The following KANK1 variants were observed in gnomAD, a reference collection of about 807,000 sequenced individuals.
The protein encoded by KANK1 is KN motif and ankyrin repeat domains 1.
Under a neutral mutation model 106.2 loss-of-function variants are expected in KANK1, and 109 were observed. The ratio of observed to expected loss-of-function variants is 1.03; its 90% CI spans 0.88 to 1.20. KANK1 has a LOEUF of 1.20. Ranked by LOEUF, KANK1 falls within the 50% of genes most tolerant of loss-of-function variation. The pLI, the probability that KANK1 is intolerant of heterozygous loss-of-function variation, is 0.00. For missense variants in KANK1, 2,399 were observed against 1,710.7 expected (o/e 1.40, Z -7.10); for synonymous variants, 873 against 652.2 (o/e 1.34, Z -5.16).
At chr9:602,253 ATTTAT>A (rs771542263) in intron 1 of KANK1, among the ~76,000 whole-genome samples, 188 of 151,444 alleles carry the variant, frequency 1.2e-3, no homozygotes, top group Non-Finnish European at 2.1e-3. Context: ...TTCCATTTTT[ATTTAT>A]TTTATTTTAT....
chr9:571,678 A>T (rs1819211931), intron 1 of KANK1, among the ~76,000 whole-genome samples: 1 of 152,192 alleles, frequency 6.6e-6, no homozygotes, highest in Admixed American at 6.5e-5. Flanking sequence ...GAGACTTAAC[A>T]GTTTGGCTTT....
At chr9:688,628 G>C (rs924723277) in intron 2 of KANK1, among the ~76,000 whole-genome samples, 10 of 151,656 alleles carry the variant, frequency 6.6e-5, no homozygotes, top group Non-Finnish European at 1.2e-4. Flanking sequence ...GAGAAAGAAA[G>C]ATGGTATTGT....
chr9:557,580 A>G (rs183784663), intron 1 of KANK1, among the ~76,000 whole-genome samples: 1 of 152,360 alleles, frequency 6.6e-6, no homozygotes, highest in Non-Finnish European at 1.5e-5. Context: ...AAAATAGCCA[A>G]ACTGTTAGTC....
At chr9:516,017 A>C (rs1008547675) in intron 1 of KANK1, among the ~76,000 whole-genome samples, 1 of 151,772 alleles carries the variant, frequency 6.6e-6, no homozygotes, top group African/African-American at 2.4e-5. Context: ...TAGGAATCCA[A>C]CATGCAGCTG....
At chr9:641,090 G>A (rs1838330419) in intron 1 of KANK1, among the ~76,000 whole-genome samples, 1 of 152,170 alleles carries the variant, frequency 6.6e-6, no homozygotes, top group Admixed American at 6.5e-5. Context: ...GAGCCATGTT[G>A]ATAGCCCAAA....
At chr9:569,528 G>T (rs960034860) in intron 1 of KANK1, among the ~76,000 whole-genome samples, 1 of 152,132 alleles carries the variant, frequency 6.6e-6, no homozygotes, top group Non-Finnish European at 1.5e-5. Context: ...CCACCAGCAA[G>T]AAGGCCCTCA....
chr9:708,559 T>C (rs1049839670), intron 2 of KANK1, among the ~76,000 whole-genome samples: 4 of 152,208 alleles, frequency 2.6e-5, no homozygotes, highest in African/African-American at 9.6e-5. Flanking sequence ...GTCCTTTTTA[T>C]TCCTCTGCTT....
chr9:478,893 A>C (rs1218082851), intron 3 of KANK1, among the ~76,000 whole-genome samples: 1 of 151,598 alleles, frequency 6.6e-6, no homozygotes, highest in Non-Finnish European at 1.5e-5. Context: ...CAAATCATCC[A>C]TAACTCTACC....
intron 1 of KANK1, among the ~76,000 whole-genome samples, chr9:563,049 AG>A (rs1816899619): frequency 6.6e-6 from 1 of 152,186 alleles, no homozygotes. Flanking sequence ...TGCATTTTTC[AG>A]GTGATTTCTA....
intron 2 of KANK1, among the ~76,000 whole-genome samples, chr9:706,595 G>A (rs1215867483): frequency 6.8e-6 from 1 of 147,154 alleles, no homozygotes; most frequent in Admixed American, 6.9e-5. Flanking sequence ...TGTTTTACAA[G>A]CATGTACTAC....
chr9:565,387 A>G (rs1250759466), intron 1 of KANK1, among the ~76,000 whole-genome samples: 1 of 152,228 alleles, frequency 6.6e-6, no homozygotes, highest in Non-Finnish European at 1.5e-5. Context: ...TCTTCTGCAG[A>G]GCATAACTTG....
rs755245564 is a variant in KANK1, at chr9:742,279, G to C, written c.3771G>C (p.Gly1257=). The C allele has an allele frequency of 1.6e-5, 26 of 1,614,004 alleles. No homozygotes were observed. In the Admixed American group the frequency reaches 4.3e-4, roughly 27 times the overall value. The change falls in exon 10 of 12, where the codon GGG becomes GGC. Residue 1257 remains glycine, a synonymous_variant. Transcript: ENST00000382297. ...TGGTGAAGGGCCTTCTGGCCTGTGG[G>C]GCTGATGTCAACATCCAGGATGACG... ...IDMVKGLLAC[G]ADVNIQDDEG...
Position 703,590 on chromosome 9 carries a change from C to G in KANK1, c.38-7214C>G, listed in dbSNP as rs181684210. Among the ~76,000 whole-genome samples, 516 of 152,224 alleles carry G rather than the reference C, an allele frequency of 3.4e-3. 2 individuals are homozygous for G. The highest frequency in any genetic ancestry group is 0.011 in the African/African-American group (449 of 41,542). On this transcript the variant is annotated intron_variant, in intron 2 of 11. Coordinates refer to ENST00000382297, the MANE Select transcript of KANK1 (RefSeq NM_015158.5). Reference sequence around the variant, plus strand: ...ATATTTAGTTGGAAGCTATTACTCTCAGGATTTCAGTTGCAGATATAGCCA... The same window carrying G: ...ATATTTAGTTGGAAGCTATTACTCTGAGGATTTCAGTTGCAGATATAGCCA...
At chr9:706,569 T>G (rs1395586704) in intron 2 of KANK1, among the ~76,000 whole-genome samples, 6 of 16,548 alleles carry the variant, frequency 3.6e-4, no homozygotes, top group Non-Finnish European at 1.6e-3. Flanking sequence ...TGTATGTGGC[T>G]TTTTTTTTTT....
At chr9:471,179 T>G (rs1482194606) in intron 2 of KANK1, among the ~76,000 whole-genome samples, 1 of 152,236 alleles carries the variant, frequency 6.6e-6, no homozygotes, top group Non-Finnish European at 1.5e-5. Flanking sequence ...CTCTTCCATC[T>G]GATGGACTGC....
intron 1 of KANK1, among the ~76,000 whole-genome samples, chr9:604,468 GTC>G (rs1167821812): frequency 6.6e-6 from 1 of 151,744 alleles, no homozygotes; most frequent in African/African-American, 2.4e-5. Context: ...TTGCACCCAT[GTC>G]TCTCTCTGTC....
chr9:655,611 CT>C (rs1382808748), intron 1 of KANK1, among the ~76,000 whole-genome samples: 2 of 152,082 alleles, frequency 1.3e-5, no homozygotes, highest in Admixed American at 1.3e-4. Flanking sequence ...GCAGATGCTG[CT>C]AAGATTGCCC....
intron 10 of KANK1, among the ~76,000 whole-genome samples, chr9:743,729 G>A (rs1440762220): frequency 2.0e-5 from 3 of 152,132 alleles, no homozygotes; most frequent in African/African-American, 4.8e-5. Context: ...AGGTGTGGTG[G>A]TATGCACCTG....
intron 1 of KANK1, among the ~76,000 whole-genome samples, chr9:554,438 G>C (rs552481420): frequency 6.6e-6 from 1 of 152,312 alleles, no homozygotes; most frequent in East Asian, 1.9e-4. Context: ...CATCCATGTT[G>C]GCGGTCTTAA....
Sources: gnomAD v4.1 joint callset for allele counts (sites outside exome capture counted in the v4.1 genomes callset) on GRCh38, gnomAD v4.1.1 for gene constraint, MANE v1.5 for transcripts, NCBI Gene and HGNC (gene_info 2026-07-23, HGNC 2026-07-21) for gene names.